Variants in NIFK observed in about 807,000 individuals in gnomAD.
The protein encoded by NIFK is nucleolar protein interacting with the FHA domain of MKI67.
In NIFK, 16 loss-of-function variants were observed where a neutral mutation model predicts 31.7. The observed-to-expected ratio is 0.50, with a 90% CI of 0.34 to 0.77. The LOEUF (loss-of-function observed/expected upper bound fraction) is 0.77, where lower values mean the gene tolerates loss of function less well. Ranked by LOEUF, NIFK falls within the 30% of genes least tolerant of loss-of-function variation. NIFK has a pLI of 0.01. For missense variants in NIFK, 341 were observed against 350.4 expected, an observed-to-expected ratio of 0.97 and a Z score of 0.21; for synonymous variants, 126 against 123.0, an observed-to-expected ratio of 1.02 and a Z score of -0.16.
chr2:121,727,612 T>G lies in NIFK; in HGVS notation c.*112A>C. On this transcript the variant is annotated 3_prime_UTR_variant, in exon 7 of 7. Transcript: ENST00000285814. ...TTCCTTAACTTGACCAAACAGTGTA[T>G]TTTTCCTCTGAAAATCTTGTCAAAG... is the stretch of plus-strand genomic sequence containing the variant. 1.1e-6 allele frequency: 1 copy of G among 917,634 alleles called. No individual in the cohort carries two copies. Among genetic ancestry groups the G allele is most frequent in the Non-Finnish European group, 1.7e-6 (1 of 585,134 alleles). The allele number at this position is 917,634 out of a possible 1,614,324, so 56.8% of individuals were successfully genotyped here. A position where few individuals can be genotyped will look rare whatever the true frequency, so the allele number is the denominator to read the frequency against.
intron 2 of NIFK, among the ~76,000 whole-genome samples, chr2:121,733,930 C>T (rs1013087315): frequency 5.3e-5 from 8 of 152,180 alleles, no homozygotes; most frequent in African/African-American, 1.9e-4. Flanking sequence ...AAAATTCTGC[C>T]TATACCTGTA....
chr2:121,728,252 A>G, intron 6 of NIFK, 36 bp downstream of exon 6: 1 of 1,250,854 alleles, frequency 8.0e-7, no homozygotes, highest in Non-Finnish European at 1.1e-6. Flanking sequence ...TTATTTCTAT[A>G]ATATCTGGTG....
At chr2:121,729,087 C>T (rs997177578) in intron 4 of NIFK, among the ~76,000 whole-genome samples, 2 of 152,042 alleles carry the variant, frequency 1.3e-5, no homozygotes, top group African/African-American at 2.4e-5. Flanking sequence ...ATTGGCTGGG[C>T]GCAGTGGCTC....
intron 6 of NIFK, 94 bp downstream of exon 6, chr2:121,728,194 T>A: frequency 3.5e-6 from 3 of 868,332 alleles, no homozygotes; most frequent in Non-Finnish European, 5.4e-6. Context: ...AATATTTAAT[T>A]TGAAATCTTA....
intron 4 of NIFK, among the ~76,000 whole-genome samples, chr2:121,728,776 T>G (rs989829667): frequency 3.9e-5 from 6 of 152,104 alleles, no homozygotes; most frequent in African/African-American, 7.2e-5. Context: ...AGCTCACTGA[T>G]TCACAGAATC....
chr2:121,734,082 G>GT (rs1385559116), intron 2 of NIFK, among the ~76,000 whole-genome samples: 1 of 151,728 alleles, frequency 6.6e-6, no homozygotes, highest in African/African-American at 2.4e-5. Flanking sequence ...GAGGTCAGGA[G>GT]TTTGAGACCA....
At chr2:121,736,681 C>T in intron 1 of NIFK, 65 bp downstream of exon 1, 2 of 1,405,248 alleles carry the variant, frequency 1.4e-6, no homozygotes, top group Non-Finnish European at 2.0e-6. Flanking sequence ...ACCGTGCAAC[C>T]CCAGATACCC....
chr2:121,728,435 T>C (rs2074510058), intron 5 of NIFK, 42 bp downstream of exon 5: 2 of 1,486,618 alleles, frequency 1.3e-6, no homozygotes, highest in South Asian at 2.4e-5. Context: ...CTACTTATCC[T>C]TCTCTAATAT....
Position 121,728,374 on chromosome 2 carries a change from AAC to A in NIFK, c.625-20_625-19del. On this transcript the variant is annotated intron_variant, in intron 5 of 6. Coordinates refer to ENST00000285814, the MANE Select transcript of NIFK (RefSeq NM_032390.5). ...CGTAAAACCTTAAAATAAATTTTAA[AAC>A]ACATCAATTTGAATATTGATCAGCT... 6.5e-7 allele frequency: 1 copy of A among 1,548,544 alleles called. No individual in the cohort carries two copies. The highest frequency in any genetic ancestry group is 8.9e-7 in the Non-Finnish European group (1 of 1,123,306).
At chr2:121,733,067 A>C (rs1214666040) in intron 2 of NIFK, among the ~76,000 whole-genome samples, 1 of 144,272 alleles carries the variant, frequency 6.9e-6, no homozygotes, top group Non-Finnish European at 1.5e-5. Context: ...GGGCAACAGA[A>C]TAAGACTCCA....
At chr2:121,734,167 G>A (rs1318941372) in intron 2 of NIFK, among the ~76,000 whole-genome samples, 1 of 151,812 alleles carries the variant, frequency 6.6e-6, no homozygotes, top group African/African-American at 2.4e-5. Flanking sequence ...GCAGTGGCCG[G>A]TACCTGTAAT....
At chr2:121,731,974 G>GT in intron 3 of NIFK, 122 bp downstream of exon 3, 1 of 661,114 alleles carries the variant, frequency 1.5e-6, no homozygotes, top group Non-Finnish European at 2.8e-6. Context: ...GCACCATTCT[G>GT]TAAGACTCAT....
intron 4 of NIFK, among the ~76,000 whole-genome samples, chr2:121,729,347 A>T (rs1356792281): frequency 8.0e-5 from 12 of 149,948 alleles, no homozygotes; most frequent in African/African-American, 2.7e-4. Context: ...CAGCCTGGGC[A>T]ACAGAGGGAG....
chr2:121,731,817 C>G (rs1326246401), intron 3 of NIFK, among the ~76,000 whole-genome samples: 1 of 152,194 alleles, frequency 6.6e-6, no homozygotes, highest in African/African-American at 2.4e-5. Flanking sequence ...CTTAGAGAAG[C>G]CTTTCACAGC....
chr2:121,730,939 C>T lies in NIFK; in HGVS notation c.518G>A (p.Arg173Lys). ...AATTCCTTTTTTAGCTAATTTCTTC[C>T]TGAGTAATCTTTCTTTCTTTTTAAA... ...ERFKKKERLL[R>K]KKLAKKGIDY... The change falls in exon 4 of 7, where the codon AGG becomes AAG. Residue 173 changes from arginine (R) to lysine (K), a missense_variant. Physicochemically the swap from Arg to Lys is conservative, Grantham distance 26. Coordinates refer to ENST00000285814, the MANE Select transcript of NIFK (RefSeq NM_032390.5). 6.2e-7 allele frequency: 1 copy of T among 1,613,036 alleles called. No individual in the cohort carries two copies. The highest frequency in any genetic ancestry group is 8.5e-7 in the Non-Finnish European group (1 of 1,179,422).
intron 4 of NIFK, among the ~76,000 whole-genome samples, chr2:121,729,237 T>C (rs1011733761): frequency 2.8e-4 from 42 of 151,828 alleles, no homozygotes; most frequent in African/African-American, 9.7e-4. Flanking sequence ...TGTGGTGGTG[T>C]GTGCCTGTAG....
intron 6 of NIFK, 86 bp from the exon 7 acceptor site, chr2:121,727,998 T>A (rs2074504261): frequency 8.0e-7 from 1 of 1,256,646 alleles, no homozygotes. Context: ...CCTCTATTTT[T>A]ACAAGTTGTG....
At chr2:121,731,160 C>T (rs1321724174) in intron 3 of NIFK, 56 bp from the exon 4 acceptor site, 9 of 982,750 alleles carry the variant, frequency 9.2e-6, no homozygotes, top group Middle Eastern at 2.2e-4. Flanking sequence ...TTAGAATCTC[C>T]GCAGTGCCAT....
intron 1 of NIFK, 169 bp from the exon 2 acceptor site, chr2:121,735,919 A>C (rs914359451): frequency 1.7e-6 from 1 of 588,688 alleles, no homozygotes; most frequent in African/African-American, 1.9e-5. Context: ...ATGGTCAAGC[A>C]GTAGTCAACT....
Sources: gnomAD v4.1 joint callset for allele counts (sites outside exome capture counted in the v4.1 genomes callset) on GRCh38, gnomAD v4.1.1 for gene constraint, MANE v1.5 for transcripts, NCBI Gene and HGNC (gene_info 2026-07-23, HGNC 2026-07-21) for gene names.